Variants in ATE1 observed in about 807,000 individuals in gnomAD.
The protein encoded by ATE1 is arginyl-tRNA--protein transferase 1.
ATE1 carries 36 observed loss-of-function variants against 70.5 expected under a neutral mutation model. The observed-to-expected ratio is 0.51, with a 90% CI of 0.39 to 0.67. ATE1 has a LOEUF of 0.67. Ranked by LOEUF, ATE1 falls within the 30% of genes least tolerant of loss-of-function variation. The pLI, the probability that ATE1 is intolerant of heterozygous loss-of-function variation, is 0.00. For synonymous variants in ATE1, 232 were observed against 219.3 expected, an observed-to-expected ratio of 1.06 and a Z score of -0.51; for missense variants, 593 against 629.5, an observed-to-expected ratio of 0.94 and a Z score of 0.62.
intron 10 of ATE1, among the ~76,000 whole-genome samples, chr10:121,795,174 G>A (rs948426116): frequency 5.9e-5 from 9 of 152,088 alleles, no homozygotes; most frequent in African/African-American, 1.7e-4. Context: ...CTTGAGCCCC[G>A]GAAGCAGAGG....
chr10:121,782,125 TG>T (rs1423084401), intron 11 of ATE1, among the ~76,000 whole-genome samples: 1 of 152,226 alleles, frequency 6.6e-6, no homozygotes, highest in Non-Finnish European at 1.5e-5. Flanking sequence ...TCTATGAAGT[TG>T]GGTGTGAATG....
intron 10 of ATE1, among the ~76,000 whole-genome samples, chr10:121,796,732 A>T (rs1468248157): frequency 6.6e-6 from 1 of 152,186 alleles, no homozygotes; most frequent in African/African-American, 2.4e-5. Flanking sequence ...TAAATCTAAA[A>T]CATTGAAAGG....
chr10:121,831,443 G>C (rs954917321), intron 10 of ATE1, among the ~76,000 whole-genome samples: 2 of 152,128 alleles, frequency 1.3e-5, no homozygotes, highest in Non-Finnish European at 2.9e-5. Flanking sequence ...AAGACTGACT[G>C]ATTAGACGAC....
intron 10 of ATE1, among the ~76,000 whole-genome samples, chr10:121,800,473 CT>C (rs1694579739): frequency 6.6e-6 from 1 of 152,112 alleles, no homozygotes; most frequent in African/African-American, 2.4e-5. Flanking sequence ...CACCAAAGAT[CT>C]TTATGAGATT....
intron 8 of ATE1, among the ~76,000 whole-genome samples, chr10:121,848,308 ATTCATTC>A: frequency 6.6e-6 from 1 of 151,760 alleles, no homozygotes; most frequent in Non-Finnish European, 1.5e-5. Flanking sequence ...TCATTCATTC[ATTCATTC>A]ATTAAAAAAC....
chr10:121,897,716 C>T (rs1160165588), intron 7 of ATE1, among the ~76,000 whole-genome samples: 1 of 151,738 alleles, frequency 6.6e-6, no homozygotes, highest in Non-Finnish European at 1.5e-5. Context: ...GTCCCAGCTA[C>T]TCAGGAGGCT....
Position 121,806,227 on chromosome 10 carries a change from G to A in ATE1, c.1258-15938C>T, listed in dbSNP as rs139021208. On this transcript the variant is annotated intron_variant, in intron 10 of 11. Transcript: ENST00000224652. ...AGTATCTTGGGAGGCCAGGGTGGGTGGATGGCTTAAGCTCAGGAGTTCGAG... is the reference window on the plus strand; with the variant it reads ...AGTATCTTGGGAGGCCAGGGTGGGTAGATGGCTTAAGCTCAGGAGTTCGAG... Among the ~76,000 whole-genome samples the A allele has an allele frequency of 1.3e-3, 192 of 152,252 alleles. 4 individuals are homozygous for A. The East Asian group carries it at 0.032, about 25-fold the overall frequency.
chr10:121,780,559 A>C (rs1379573366), intron 11 of ATE1, among the ~76,000 whole-genome samples: 2 of 152,226 alleles, frequency 1.3e-5, no homozygotes, highest in African/African-American at 4.8e-5. Context: ...AAAGCGCACT[A>C]GTGCTTAAGA....
chr10:121,862,581 C>G (rs1949516341), intron 8 of ATE1, among the ~76,000 whole-genome samples: 1 of 135,592 alleles, frequency 7.4e-6, no homozygotes, highest in South Asian at 2.3e-4. Context: ...GCCATGTTGC[C>G]CAGGCTGGTC....
chr10:121,807,474 T>A (rs899207832), intron 10 of ATE1, among the ~76,000 whole-genome samples: 1 of 152,226 alleles, frequency 6.6e-6, no homozygotes, highest in Non-Finnish European at 1.5e-5. Flanking sequence ...TAATACATGT[T>A]CTAGAGACAC....
chr10:121,916,473 A>G (rs888014201), intron 3 of ATE1, among the ~76,000 whole-genome samples: 25 of 152,188 alleles, frequency 1.6e-4, no homozygotes, highest in African/African-American at 6.0e-4. Context: ...CACTTTCTCT[A>G]TTAGAAGATG....
At chr10:121,881,698 A>G (rs902942642) in intron 7 of ATE1, among the ~76,000 whole-genome samples, 1 of 151,508 alleles carries the variant, frequency 6.6e-6, no homozygotes, top group African/African-American at 2.4e-5. Flanking sequence ...AGGAAAGAAA[A>G]TCACAAATAA....
intron 1 of ATE1, among the ~76,000 whole-genome samples, chr10:121,925,934 A>G (rs1952071140): frequency 1.3e-5 from 2 of 151,832 alleles, no homozygotes. Context: ...GGCCAGGTGC[A>G]GTGGCTCATG....
chr10:121,852,278 C>A (rs1165909769), intron 8 of ATE1, among the ~76,000 whole-genome samples: 2 of 152,204 alleles, frequency 1.3e-5, no homozygotes, highest in Admixed American at 1.3e-4. Flanking sequence ...TATGATGAGA[C>A]AATTAATGTC....
chr10:121,861,074 C>A (rs1230502204), intron 8 of ATE1, among the ~76,000 whole-genome samples: 1 of 152,174 alleles, frequency 6.6e-6, no homozygotes, highest in African/African-American at 2.4e-5. Flanking sequence ...TTTTCTGAAG[C>A]ATTCATGCAC....
intron 11 of ATE1, among the ~76,000 whole-genome samples, chr10:121,754,503 T>C (rs1038476311): frequency 6.6e-6 from 1 of 152,188 alleles, no homozygotes; most frequent in African/African-American, 2.4e-5. Context: ...ACACATTGAT[T>C]AGAATGAGAT....
At chr10:121,919,475 C>T (rs981257349) in intron 3 of ATE1, among the ~76,000 whole-genome samples, 1 of 151,992 alleles carries the variant, frequency 6.6e-6, no homozygotes, top group Non-Finnish European at 1.5e-5. Context: ...GCAGGAGAAT[C>T]GCTTGAACAC....
chr10:121,761,822 C>T (rs1018637495), intron 11 of ATE1, among the ~76,000 whole-genome samples: 7 of 152,094 alleles, frequency 4.6e-5, no homozygotes, highest in African/African-American at 1.4e-4. Flanking sequence ...CTTGTATAAT[C>T]GATTTTTTCT....
At chr10:121,876,962 G>T (rs1950074456) in intron 7 of ATE1, among the ~76,000 whole-genome samples, 1 of 141,756 alleles carries the variant, frequency 7.1e-6, no homozygotes, top group Non-Finnish European at 1.5e-5. Context: ...CGACACTCCA[G>T]TCTCAAAAAA....
Sources: allele counts gnomAD v4.1 joint callset (sites outside exome capture counted in the v4.1 genomes callset), GRCh38; gene constraint gnomAD v4.1.1; transcripts MANE v1.5; gene names NCBI Gene and HGNC (gene_info 2026-07-23, HGNC 2026-07-21).